Variants in KIF1A observed in about 807,000 individuals in gnomAD.
The protein encoded by KIF1A is kinesin family member 1A.
KIF1A carries 46 observed loss-of-function variants against 227.3 expected under a neutral mutation model. The observed-to-expected ratio is 0.20, with a 90% CI of 0.16 to 0.26. The LOEUF (loss-of-function observed/expected upper bound fraction) is 0.26. Ranked by LOEUF, KIF1A falls within the 10% of genes least tolerant of loss-of-function variation. KIF1A has a pLI of 1.00. For missense variants in KIF1A, 1,683 were observed against 2,485.9 expected, an observed-to-expected ratio of 0.68 and a Z score of 6.87; for synonymous variants, 1,022 against 1,012.8, an observed-to-expected ratio of 1.01 and a Z score of -0.17.
At chr2:240,755,134 A>T (rs978162945) in intron 27 of KIF1A, among the ~76,000 whole-genome samples, 1 of 152,084 alleles carries the variant, frequency 6.6e-6, no homozygotes, top group Non-Finnish European at 1.5e-5. Flanking sequence ...GTGGTCACCA[A>T]CCCACCTGCC....
intron 9 of KIF1A, 144 bp from the exon 10 acceptor site, chr2:240,782,751 C>T: frequency 1.1e-6 from 1 of 892,552 alleles, no homozygotes; most frequent in African/African-American, 1.7e-5. Flanking sequence ...CAGCAGCTCC[C>T]CCAGGCAGGG....
intron 28 of KIF1A, among the ~76,000 whole-genome samples, chr2:240,747,950 G>A (rs1396772403): frequency 6.6e-6 from 1 of 152,220 alleles, no homozygotes; most frequent in Non-Finnish European, 1.5e-5. Context: ...ACCTCGCCCG[G>A]GTCACGGGCA....
At chr2:240,819,488 T>G (rs888989112) in intron 1 of KIF1A, among the ~76,000 whole-genome samples, 1 of 151,866 alleles carries the variant, frequency 6.6e-6, no homozygotes, top group African/African-American at 2.4e-5. Flanking sequence ...ACGAAGCGGG[T>G]GGCCAGGCCC....
At chr2:240,738,929 G>A (rs934753847) in intron 37 of KIF1A, among the ~76,000 whole-genome samples, 10 of 152,212 alleles carry the variant, frequency 6.6e-5, no homozygotes, top group African/African-American at 9.7e-5. Flanking sequence ...CTCAACTACC[G>A]TGTGGCCGGG....
chr2:240,752,771 G>A lies in KIF1A; in HGVS notation c.2859-2224C>T, dbSNP rs1425934890. 6.6e-6 allele frequency among the ~76,000 whole-genome samples: 1 copy of A among 152,126 alleles called. No homozygotes were observed. The highest frequency in any genetic ancestry group is 2.1e-4 in the South Asian group (1 of 4,822). Reference sequence around the variant, plus strand: ...GGTTGGAGGGCAGAAGGGCACTGAGGATGAAGAGACTGCCCCCACCCCACT... The same window carrying A: ...GGTTGGAGGGCAGAAGGGCACTGAGAATGAAGAGACTGCCCCCACCCCACT... On this transcript the variant is annotated intron_variant, in intron 27 of 48. Coordinates refer to ENST00000498729, the MANE Select transcript of KIF1A (RefSeq NM_001244008.2). This position sits in a 1 kb window ranked among gnomAD's most constrained non-coding sequence, Gnocchi z 6.4.
At chr2:240,812,079 T>TAACCCAACCTGGCACAGTG (rs2057908306) in intron 1 of KIF1A, among the ~76,000 whole-genome samples, 1 of 151,962 alleles carries the variant, frequency 6.6e-6, no homozygotes, top group African/African-American at 2.4e-5. Flanking sequence ...TTGGTAAAAA[T>TAACCCAACCTGGCACAGTG]GCATGCAGAA....
chr2:240,785,996 C>T (rs1040422483), intron 6 of KIF1A, among the ~76,000 whole-genome samples: 5 of 152,168 alleles, frequency 3.3e-5, no homozygotes, highest in African/African-American at 1.2e-4. Context: ...CACACTGGCC[C>T]CCACACAGAA....
intron 11 of KIF1A, among the ~76,000 whole-genome samples, chr2:240,774,671 T>C (rs1277645850): frequency 1.3e-5 from 2 of 152,032 alleles, no homozygotes; most frequent in African/African-American, 4.8e-5. Context: ...TATTCCTCAG[T>C]ATTTAACATC....
chr2:240,769,111 A>G (rs762043740), intron 17 of KIF1A, 22 bp downstream of exon 17: 14 of 1,594,332 alleles, frequency 8.8e-6, no homozygotes, highest in Non-Finnish European at 1.2e-5. Context: ...GGGCAGTACC[A>G]CAGAACTGAG....
intron 1 of KIF1A, among the ~76,000 whole-genome samples, chr2:240,800,133 C>CACACAT (rs2056835320): frequency 6.6e-6 from 1 of 151,926 alleles, no homozygotes; most frequent in Non-Finnish European, 1.5e-5. Flanking sequence ...CACACACACA[C>CACACAT]ACACACACAC....
intron 38 of KIF1A, chr2:240,734,586 G>T: frequency 2.0e-6 from 1 of 490,206 alleles, no homozygotes. Flanking sequence ...GAGGACAGGT[G>T]AGCACGTGTG....
rs2046073087 is a variant in KIF1A, at chr2:240,726,904, G to A, written c.4044C>T (p.Ser1348=). The A allele has an allele frequency of 6.2e-7, 1 of 1,611,574 alleles. No individual in the cohort carries two copies. The highest frequency in any genetic ancestry group is 1.3e-5 in the African/African-American group (1 of 74,922). Residue 1348 remains serine (S), a synonymous_variant, in exon 39 of 49, where the codon TCC becomes TCT. Coordinates refer to ENST00000498729, the MANE Select transcript of KIF1A (RefSeq NM_001244008.2). The surrounding 1 kb of genome is among the most constrained non-coding windows in gnomAD (Gnocchi z 5.2). The part of the protein sequence containing the change: ...FYQFEAAWDS[S]MHNSLLLNRV... ...GGTTCAGCAGGAGAGAGTTGTGCAT[G>A]GAGCTGTCCCACGCAGCCTCAAATT...
chr2:240,806,900 A>T (rs533910796), intron 1 of KIF1A, among the ~76,000 whole-genome samples: 1 of 152,248 alleles, frequency 6.6e-6, no homozygotes, highest in African/African-American at 2.4e-5. Flanking sequence ...AGTCCTATAC[A>T]AACTCTTTAT....
Position 240,739,349 on chromosome 2 carries a change from C to T in KIF1A, c.3901+709G>A, listed in dbSNP as rs776290405. On this transcript the variant is annotated intron_variant, in intron 37 of 48. Coordinates refer to ENST00000498729, the MANE Select transcript of KIF1A (RefSeq NM_001244008.2). The surrounding 1 kb of genome is among the most constrained non-coding windows in gnomAD (Gnocchi z 5.6). ...AGGAAACATTTGGCGGACCCGAATTCGAAACATGAGGTCATGGAAGAAAAG... is the reference window on the plus strand; with the variant it reads ...AGGAAACATTTGGCGGACCCGAATTTGAAACATGAGGTCATGGAAGAAAAG... Among the ~76,000 whole-genome samples the T allele has an allele frequency of 6.6e-6, 1 of 152,284 alleles. No homozygotes were observed. The highest frequency in any genetic ancestry group is 6.5e-5 in the Admixed American group (1 of 15,310).
At chr2:240,720,200 CT>C in intron 45 of KIF1A, 1 of 346,102 alleles carries the variant, frequency 2.9e-6, no homozygotes, top group Admixed American at 4.5e-5. Context: ...CCACGCCCTT[CT>C]CCCAGTGGCT....
intron 38 of KIF1A, among the ~76,000 whole-genome samples, chr2:240,732,286 T>G (rs574985157): frequency 2.3e-5 from 1 of 43,266 alleles, no homozygotes; most frequent in Non-Finnish European, 4.1e-5. Flanking sequence ...GAGAAGGGGA[T>G]CAGGGGAGGA....
At position 240,740,381 on chromosome 2, in the gene KIF1A, C is replaced by A; in HGVS notation, c.3750-17G>T. The A allele has an allele frequency of 6.2e-7, 1 of 1,612,084 alleles. No homozygotes were observed. The highest frequency in any genetic ancestry group is 8.5e-7 in the Non-Finnish European group (1 of 1,178,306). On this transcript the variant is annotated splice_polypyrimidine_tract_variant and intron_variant, in intron 35 of 48. Transcript: ENST00000498729. The surrounding 1 kb of genome is among the most constrained non-coding windows in gnomAD (Gnocchi z 6.1). ...GGGATGTAACTGGAAGAGAGAGACA[C>A]ATGTGAGGAGCGGCCAGCCCCTCCT...
At chr2:240,779,071 C>T (rs1180807170) in intron 10 of KIF1A, among the ~76,000 whole-genome samples, 4 of 151,752 alleles carry the variant, frequency 2.6e-5, no homozygotes, top group Non-Finnish European at 4.4e-5. Context: ...CACTCAGTTC[C>T]TCACAGTTCC....
At chr2:240,771,337 A>T in intron 14 of KIF1A, 1 of 606,018 alleles carries the variant, frequency 1.7e-6, no homozygotes, top group Admixed American at 3.0e-5. Context: ...AGCGCATGCA[A>T]GGCCTTCCTG....
Sources: allele counts gnomAD v4.1 joint callset (sites outside exome capture counted in the v4.1 genomes callset), GRCh38; gene constraint gnomAD v4.1.1; non-coding constraint Gnocchi (gnomAD v3.1); transcripts MANE v1.5; gene names NCBI Gene and HGNC (gene_info 2026-07-23, HGNC 2026-07-21).